SH3PXD2B: variants seen among roughly 807,000 people sequenced by gnomAD.
SH3PXD2B encodes the protein SH3 and PX domains 2B.
SH3PXD2B carries 37 observed loss-of-function variants against 73.1 expected under a neutral mutation model. The observed-to-expected ratio is 0.51, with a 90% CI of 0.39 to 0.67. The LOEUF is 0.67. SH3PXD2B is among the 30% of genes least tolerant of loss of function. The probability of loss-of-function intolerance (pLI) is 0.00; values close to 1 mark genes in which losing one functional copy is unlikely to be tolerated. For missense variants in SH3PXD2B, 1,053 were observed against 1,197.8 expected, an observed-to-expected ratio of 0.88 and a Z score of 1.78; for synonymous variants, 457 against 480.5, an observed-to-expected ratio of 0.95 and a Z score of 0.64.
rs945515505 is a variant in SH3PXD2B at position 172,335,236 on chromosome 5, A to G, written c.*3133T>C. On this transcript the variant is annotated 3_prime_UTR_variant, in exon 13 of 13. Coordinates refer to ENST00000311601, the MANE Select transcript of SH3PXD2B (RefSeq NM_001017995.3). ...ACAATTGTGTTAATAAGCAGGGGTG[A>G]GGGGAAGAAAAAAAAATCTCTGCCC... is the stretch of plus-strand genomic sequence containing the variant. 2.8e-6 allele frequency: 3 copies of G among 1,052,876 alleles called. No homozygotes were observed. Among genetic ancestry groups the G allele is most frequent in the Non-Finnish European group, 3.4e-6 (3 of 874,768 alleles). 65.2% of individuals were successfully genotyped at this position (1,052,876 alleles called of 1,614,324 possible).
intron 3 of SH3PXD2B, 77 bp from the exon 4 acceptor site, chr5:172,394,716 T>C: frequency 4.6e-6 from 7 of 1,507,282 alleles, no homozygotes; most frequent in Non-Finnish European, 5.5e-6. Flanking sequence ...GGTGTGGACA[T>C]GGCGGTTCCT....
chr5:172,411,597 C>T (rs1222325098), intron 2 of SH3PXD2B, among the ~76,000 whole-genome samples: 1 of 152,182 alleles, frequency 6.6e-6, no homozygotes, highest in East Asian at 1.9e-4. Flanking sequence ...CACTTCATCC[C>T]TGAGCCTGTT....
rs1757020179 is a variant in SH3PXD2B at position 172,347,329 on chromosome 5, G to A, written c.1016C>T (p.Ser339Leu). The A allele has an allele frequency of 6.2e-7, 1 of 1,614,074 alleles. No homozygotes were observed. ...AGGGGGTCTCTGCCTCATCTTTGGTGATCCTATGGAGAAATGAGAGCTTAT... is the reference window on the plus strand; with the variant it reads ...AGGGGGTCTCTGCCTCATCTTTGGTAATCCTATGGAGAAATGAGAGCTTAT... ...PVPDGDAKQR[S>L]PKMRQRPPPR... The change falls in exon 11 of 13, where the codon TCA (serine) becomes TTA (leucine). Residue 339 changes from serine (S) to leucine (L), a missense_variant. Ser to Leu is a moderately radical substitution (Grantham distance 145). This residue lies in a region of SH3PXD2B where 466 missense variants were observed against 607.1 expected (regional missense o/e 0.77). Coordinates refer to ENST00000311601, the MANE Select transcript of SH3PXD2B (RefSeq NM_001017995.3).
intron 1 of SH3PXD2B, among the ~76,000 whole-genome samples, chr5:172,453,303 G>T (rs1293542961): frequency 6.6e-6 from 1 of 151,770 alleles, no homozygotes; most frequent in Non-Finnish European, 1.5e-5. Flanking sequence ...ACTTCTCACC[G>T]CCAGAGACAC....
chr5:172,439,292 C>CAAAAAAAAAAAAA (rs1759485097), intron 1 of SH3PXD2B, among the ~76,000 whole-genome samples: 1 of 44,198 alleles, frequency 2.3e-5, no homozygotes, highest in African/African-American at 1.2e-4. Context: ...AAAAAAAAAA[C>CAAAAAAAAAAAAA]CCCAAAAAAA....
At chr5:172,386,842 G>A (rs535504875) in intron 4 of SH3PXD2B, among the ~76,000 whole-genome samples, 2 of 152,268 alleles carry the variant, frequency 1.3e-5, no homozygotes, top group South Asian at 4.1e-4. Flanking sequence ...TGCCCAGGCC[G>A]GTCTCAAACT....
At chr5:172,371,305 G>A (rs1489558730) in intron 6 of SH3PXD2B, among the ~76,000 whole-genome samples, 1 of 152,218 alleles carries the variant, frequency 6.6e-6, no homozygotes, top group South Asian at 2.1e-4. Flanking sequence ...ATAATTGCAT[G>A]ATCTCTTGAC....
At chr5:172,346,431 G>A (rs1014208730) in intron 11 of SH3PXD2B, among the ~76,000 whole-genome samples, 170 bp from the exon 12 acceptor site, 6 of 152,118 alleles carry the variant, frequency 3.9e-5, no homozygotes, top group African/African-American at 7.2e-5. Context: ...GTCACTCCTC[G>A]GTGAGACCTC....
chr5:172,360,131 G>T (rs1287773127), intron 7 of SH3PXD2B, among the ~76,000 whole-genome samples: 1 of 152,156 alleles, frequency 6.6e-6, no homozygotes, highest in East Asian at 1.9e-4. Context: ...TGTCGGCCGG[G>T]CGTGGTGGCT....
chr5:172,384,963 C>T (rs1758027186), intron 4 of SH3PXD2B, among the ~76,000 whole-genome samples: 1 of 152,194 alleles, frequency 6.6e-6, no homozygotes, highest in Admixed American at 6.5e-5. Flanking sequence ...TAAAATTAGC[C>T]TTTAAGTAGC....
chr5:172,412,117 T>A (rs1019167708), intron 2 of SH3PXD2B, among the ~76,000 whole-genome samples: 3 of 152,234 alleles, frequency 2.0e-5, no homozygotes, highest in Non-Finnish European at 4.4e-5. Flanking sequence ...TCAAGCTCCA[T>A]CCATTTTATA....
At chr5:172,411,401 C>T (rs1467813075) in intron 2 of SH3PXD2B, among the ~76,000 whole-genome samples, 4 of 152,176 alleles carry the variant, frequency 2.6e-5, no homozygotes, top group South Asian at 2.1e-4. Flanking sequence ...TTTGTCCTGA[C>T]TTGATTTTAC....
chr5:172,368,710 T>TTA (rs564514417), intron 6 of SH3PXD2B, among the ~76,000 whole-genome samples: 4 of 83,068 alleles, frequency 4.8e-5, no homozygotes, highest in Non-Finnish European at 2.1e-5. Flanking sequence ...TATATATATA[T>TTA]TATATATATA....
chr5:172,372,613 A>G (rs775923787), intron 6 of SH3PXD2B, among the ~76,000 whole-genome samples: 1 of 152,230 alleles, frequency 6.6e-6, no homozygotes. Flanking sequence ...TAAAAACGGC[A>G]TCAAGCATAC....
chr5:172,451,411 C>T (rs1263479238), intron 1 of SH3PXD2B, among the ~76,000 whole-genome samples: 1 of 152,084 alleles, frequency 6.6e-6, no homozygotes, highest in Non-Finnish European at 1.5e-5. Context: ...GCAATCAATG[C>T]CTGGAGGCCT....
rs1756764058 is a variant in SH3PXD2B, at chr5:172,338,703, G to A, written c.2402C>T (p.Pro801Leu). The A allele has an allele frequency of 6.2e-7, 1 of 1,614,198 alleles. No homozygotes were observed. The highest frequency in any genetic ancestry group is 1.1e-5 in the South Asian group (1 of 91,078). Reference protein sequence around the residue: ...APTPGRALLVPPKAKPFLSNS... With the variant: ...APTPGRALLVLPKAKPFLSNS... Reference sequence around the variant, plus strand: ...GGAGAGAAAAGGTTTGGCTTTTGGAGGGACGAGGAGAGCACGGCCTGGGGT... The same window carrying A: ...GGAGAGAAAAGGTTTGGCTTTTGGAAGGACGAGGAGAGCACGGCCTGGGGT... Residue 801 changes from proline (P) to leucine (L), a missense_variant, in exon 13 of 13, where the codon CCT becomes CTT. This residue lies in a region of SH3PXD2B where 587 missense variants were observed against 590.7 expected (regional missense o/e 0.99). Coordinates refer to ENST00000311601, the MANE Select transcript of SH3PXD2B (RefSeq NM_001017995.3). This position sits in a 1 kb window ranked among gnomAD's most constrained non-coding sequence, Gnocchi z 5.1.
At chr5:172,385,422 C>T (rs1581296973) in intron 4 of SH3PXD2B, among the ~76,000 whole-genome samples, 1 of 152,328 alleles carries the variant, frequency 6.6e-6, no homozygotes, top group East Asian at 1.9e-4. Flanking sequence ...GTTGAGGTGG[C>T]TTGGTCTAGA....
Position 172,337,703 on chromosome 5 carries a change from C to T in SH3PXD2B, c.*666G>A, listed in dbSNP as rs924706899. On this transcript the variant is annotated 3_prime_UTR_variant, in exon 13 of 13. Transcript: ENST00000311601. ...TGGAACCACCCTTCAGGGCTGACCACGGTCCCAAGATAGAAGGTGGGAGGC... is the reference window on the plus strand; with the variant it reads ...TGGAACCACCCTTCAGGGCTGACCATGGTCCCAAGATAGAAGGTGGGAGGC... 12 of 991,038 alleles carry T rather than the reference C, an allele frequency of 1.2e-5. No homozygotes were observed. The highest frequency in any genetic ancestry group is 8.7e-5 in the African/African-American group (5 of 57,242). The allele number at this position is 991,038 out of a possible 1,614,324, so 61.4% of individuals were successfully genotyped here. A position where few individuals can be genotyped will look rare whatever the true frequency, so the allele number is the denominator to read the frequency against.
At position 172,335,261 on chromosome 5, in the gene SH3PXD2B, C is replaced by T. The variant is rs1756659847; in HGVS notation, c.*3108G>A. On this transcript the variant is annotated 3_prime_UTR_variant, in exon 13 of 13. Transcript: ENST00000311601. ...AGGGGAAGAAAAAAAAATCTCTGCC[C>T]ACCTTTTGGGCTGCCATTTGGCCTG... 6 of 1,095,038 alleles carry T rather than the reference C, an allele frequency of 5.5e-6. No homozygotes were observed. The highest frequency in any genetic ancestry group is 6.7e-6 in the Non-Finnish European group (6 of 901,916). The allele number at this position is 1,095,038 out of a possible 1,614,324, so 67.8% of individuals were successfully genotyped here.
Sources: allele counts gnomAD v4.1 joint callset (sites outside exome capture counted in the v4.1 genomes callset), GRCh38; gene constraint gnomAD v4.1.1; regional missense constraint gnomAD v4.1.1; non-coding constraint Gnocchi (gnomAD v3.1); transcripts MANE v1.5; gene names NCBI Gene and HGNC (gene_info 2026-07-23, HGNC 2026-07-21).